PSMD11: variants seen among roughly 807,000 people sequenced by gnomAD.
PSMD11 encodes proteasome 26S subunit, non-ATPase 11, also known as 26S proteasome non-ATPase regulatory subunit 11.
Under a neutral mutation model 62.3 loss-of-function variants are expected in PSMD11, and 5 were observed. The ratio of observed to expected loss-of-function variants is 0.08; its 90% CI spans 0.04 to 0.17. PSMD11 has a LOEUF of 0.17. Ranked by LOEUF, PSMD11 falls within the 10% of genes least tolerant of loss-of-function variation. The pLI, the probability that PSMD11 is intolerant of heterozygous loss-of-function variation, is 1.00. For missense variants in PSMD11, 310 were observed against 512.9 expected (o/e 0.60, Z 3.82); for synonymous variants, 191 against 191.8 (o/e 1.00, Z 0.03).
chr17:32,473,854 T>C lies in PSMD11; in HGVS notation c.697T>C (p.Tyr233His). Residue 233 changes from tyrosine (Y) to histidine (H), a missense_variant, in exon 7 of 14, where the codon TAT becomes CAT. By Grantham distance (83) the Tyr-to-His change is moderately conservative. Around this residue, in one of 6 missense-constraint regions of PSMD11, gnomAD observed 47 missense variants for 117.7 expected, o/e 0.40. Transcript: ENST00000261712. ...CTGGAAAACTGCGTACTCATACTTC[T>C]ATGAGGCATTTGAGGGTTATGACTC... ...KDWKTAYSYF[Y>H]EAFEGYDSID... is the part of the protein sequence containing the mutation. 1.2e-6 allele frequency: 2 copies of C among 1,614,100 alleles called. No individual in the cohort carries two copies. The highest frequency in any genetic ancestry group is 1.7e-6 in the Non-Finnish European group (2 of 1,179,894).
chr17:32,446,874 G>A (rs1377234708), intron 1 of PSMD11, 71 bp from the exon 2 acceptor site: 6 of 792,296 alleles, frequency 7.6e-6, no homozygotes, highest in Non-Finnish European at 1.2e-5. Context: ...TGGATCTTAT[G>A]AGGGTGAAAT....
intron 6 of PSMD11, among the ~76,000 whole-genome samples, chr17:32,471,048 G>A (rs185918319): frequency 6.6e-6 from 1 of 152,296 alleles, no homozygotes; most frequent in Non-Finnish European, 1.5e-5. Context: ...TGACTCTAGT[G>A]TGCTAAATAC....
chr17:32,479,033 C>G (rs1228155464), intron 9 of PSMD11, among the ~76,000 whole-genome samples: 1 of 152,116 alleles, frequency 6.6e-6, no homozygotes, highest in Non-Finnish European at 1.5e-5. Context: ...CATGAGCCTC[C>G]CGAGTGACTG....
chr17:32,465,149 C>G (rs1907957553), intron 5 of PSMD11, among the ~76,000 whole-genome samples: 1 of 151,556 alleles, frequency 6.6e-6, no homozygotes, highest in Admixed American at 6.6e-5. Context: ...GAGACAGAGT[C>G]TTACTCTGTT....
intron 3 of PSMD11, among the ~76,000 whole-genome samples, chr17:32,462,008 A>T (rs907191550): frequency 4.6e-5 from 7 of 152,182 alleles, no homozygotes; most frequent in African/African-American, 1.4e-4. Context: ...TGAATCACTT[A>T]GTGTCTGGAC....
At chr17:32,444,660 G>A (rs2150826561) in intron 1 of PSMD11, 46 bp downstream of exon 1, 2 of 1,604,136 alleles carry the variant, frequency 1.2e-6, no homozygotes, top group East Asian at 2.3e-5. Flanking sequence ...GCCCAGCTCG[G>A]CTTATGTCGG....
At chr17:32,450,836 T>A (rs1471710837) in intron 2 of PSMD11, among the ~76,000 whole-genome samples, 1 of 151,998 alleles carries the variant, frequency 6.6e-6, no homozygotes, top group Non-Finnish European at 1.5e-5. Flanking sequence ...GGTGGGAGGA[T>A]TGCTTGAAGC....
At chr17:32,444,786 T>A in intron 1 of PSMD11, 172 bp downstream of exon 1, 1 of 721,810 alleles carries the variant, frequency 1.4e-6, no homozygotes, top group Non-Finnish European at 2.2e-6. Flanking sequence ...CTCCCAGGTC[T>A]CACTCTTGTG....
At chr17:32,460,623 A>T (rs1907799962) in intron 3 of PSMD11, among the ~76,000 whole-genome samples, 1 of 152,004 alleles carries the variant, frequency 6.6e-6, no homozygotes, top group Non-Finnish European at 1.5e-5. Context: ...AATACAAAAA[A>T]TTAGCCAGGT....
chr17:32,450,008 G>A (rs1907441919), intron 2 of PSMD11, among the ~76,000 whole-genome samples: 1 of 152,178 alleles, frequency 6.6e-6, no homozygotes, highest in Non-Finnish European at 1.5e-5. Flanking sequence ...CAGACATGAT[G>A]CCTTGGCTCA....
chr17:32,466,054 G>A, intron 5 of PSMD11, among the ~76,000 whole-genome samples: 1 of 152,136 alleles, frequency 6.6e-6, no homozygotes, highest in Non-Finnish European at 1.5e-5. Context: ...GGAGTGCAGG[G>A]GTGTGATGTT....
intron 1 of PSMD11, chr17:32,444,953 A>G (rs892322589): frequency 1.8e-5 from 7 of 398,528 alleles, no homozygotes; most frequent in Middle Eastern, 1.4e-3. Context: ...GACCCGGAGC[A>G]GTGCCGGCCG....
chr17:32,480,828 TC>T lies in PSMD11; in HGVS notation c.*77del, dbSNP rs916923225. 7.3e-6 allele frequency: 4 copies of T among 547,040 alleles called. No homozygotes were observed. The African/African-American group carries it at 7.6e-5, about 10-fold the overall frequency. The allele number at this position is 547,040 out of a possible 1,614,324, so 33.9% of individuals were successfully genotyped here. On this transcript the variant is annotated 3_prime_UTR_variant, in exon 14 of 14. Coordinates refer to ENST00000261712, the MANE Select transcript of PSMD11 (RefSeq NM_002815.4). ...ACCTTGGGGGAAAATGCTAGGAGAT[TC>T]TTTTTTCTTTTTGTTCTACTTTTCG... is the stretch of plus-strand genomic sequence containing the variant.
chr17:32,474,680 A>T, intron 7 of PSMD11, 84 bp from the exon 8 acceptor site: 1 of 1,328,624 alleles, frequency 7.5e-7, no homozygotes, highest in South Asian at 1.2e-5. Context: ...TTACAATGGA[A>T]TTCTGTTAAA....
intron 10 of PSMD11, 174 bp from the exon 11 acceptor site, chr17:32,479,677 G>A (rs1908433254): frequency 1.3e-6 from 1 of 764,076 alleles, no homozygotes. Context: ...TTTATTGTGT[G>A]TAGCAGTGAA....
At chr17:32,444,775 C>T in intron 1 of PSMD11, 161 bp downstream of exon 1, 2 of 771,854 alleles carry the variant, frequency 2.6e-6, no homozygotes, top group East Asian at 2.9e-5. Flanking sequence ...CTCCCCAGAG[C>T]CTCCCAGGTC....
At chr17:32,472,927 G>A (rs1395183628) in intron 6 of PSMD11, among the ~76,000 whole-genome samples, 2 of 150,960 alleles carry the variant, frequency 1.3e-5, no homozygotes, top group Non-Finnish European at 3.0e-5. Context: ...AAGCCGAGGC[G>A]GGTGGATCAC....
rs913964515 is a variant in PSMD11 at position 32,481,544 on chromosome 17, G to A, written c.*792G>A. 4.7e-5 allele frequency: 7 copies of A among 150,176 alleles called. No individual in the cohort carries two copies. The highest frequency in any genetic ancestry group is 1.3e-4 in the Admixed American group (2 of 15,048). 9.3% of individuals were successfully genotyped at this position (150,176 alleles called of 1,614,324 possible). Reference sequence around the variant, plus strand: ...TTAAACACAGTAAACTAGATTAGTCGTCAGTGTTTTAATTGCCCCTCTTCT... The same window carrying A: ...TTAAACACAGTAAACTAGATTAGTCATCAGTGTTTTAATTGCCCCTCTTCT... On this transcript the variant is annotated 3_prime_UTR_variant, in exon 14 of 14. Coordinates refer to ENST00000261712, the MANE Select transcript of PSMD11 (RefSeq NM_002815.4).
rs1277624506 is a variant in PSMD11, at chr17:32,456,349, G to T, written c.318+1730G>T. Among the ~76,000 whole-genome samples the T allele has an allele frequency of 3.3e-5, 5 of 151,872 alleles. No homozygotes were observed. In the South Asian group the frequency reaches 1.0e-3, roughly 31 times the overall value. On this transcript the variant is annotated intron_variant, in intron 3 of 13. Coordinates refer to ENST00000261712, the MANE Select transcript of PSMD11 (RefSeq NM_002815.4). ...AAATTATCCATCCCCATAACCTAGAGCTCACTCAGCGGATAGAACAGCATT... is the reference window on the plus strand; with the variant it reads ...AAATTATCCATCCCCATAACCTAGATCTCACTCAGCGGATAGAACAGCATT...
Sources: gnomAD v4.1 joint callset for allele counts (sites outside exome capture counted in the v4.1 genomes callset) on GRCh38, gnomAD v4.1.1 for gene constraint, gnomAD v4.1.1 regional missense constraint, MANE v1.5 for transcripts, NCBI Gene and HGNC (gene_info 2026-07-23, HGNC 2026-07-21) for gene names.